Variants in NT5C3A observed in about 807,000 individuals in gnomAD.
NT5C3A encodes cytosolic 5'-nucleotidase 3A.
In NT5C3A, 23 loss-of-function variants were observed where a neutral mutation model predicts 40.0. The ratio of observed to expected loss-of-function variants is 0.58; its 90% CI spans 0.41 to 0.81. The LOEUF is 0.81. Among genes scored for constraint, NT5C3A ranks in the 40% least tolerant of loss-of-function variants. The pLI is 0.00. For synonymous variants in NT5C3A, 130 were observed against 141.4 expected (o/e 0.92, Z 0.57); for missense variants, 328 against 403.0 (o/e 0.81, Z 1.59).
intron 2 of NT5C3A, among the ~76,000 whole-genome samples, chr7:33,025,455 A>C (rs1384613650): frequency 1.3e-5 from 2 of 152,160 alleles, no homozygotes; most frequent in African/African-American, 4.8e-5. Flanking sequence ...ATGTTTTAAA[A>C]AAGGAATAAT....
At chr7:33,056,376 C>G (rs1450153135) in intron 1 of NT5C3A, among the ~76,000 whole-genome samples, 1 of 143,720 alleles carries the variant, frequency 7.0e-6, no homozygotes, top group East Asian at 2.1e-4. Context: ...GTGGTTCACA[C>G]CTATAATCCC....
intron 1 of NT5C3A, among the ~76,000 whole-genome samples, chr7:33,028,280 G>A (rs1264487986): frequency 1.3e-5 from 2 of 152,174 alleles, no homozygotes; most frequent in Admixed American, 6.5e-5. Flanking sequence ...AAAAATGGGT[G>A]TAGGCTGCTA....
chr7:33,057,327 G>C (rs1206097373), intron 1 of NT5C3A, among the ~76,000 whole-genome samples: 4 of 152,076 alleles, frequency 2.6e-5, no homozygotes, highest in African/African-American at 9.7e-5. Context: ...TCTGAGAACA[G>C]CCTGGGCAAT....
intron 1 of NT5C3A, 129 bp from the exon 2 acceptor site, chr7:33,027,044 A>G: frequency 1.6e-6 from 1 of 634,342 alleles, no homozygotes; most frequent in Non-Finnish European, 2.7e-6. Context: ...AAAGCAAGCC[A>G]CCACATCAAA....
At chr7:33,051,246 C>T (rs1326996733) in intron 1 of NT5C3A, among the ~76,000 whole-genome samples, 1 of 152,014 alleles carries the variant, frequency 6.6e-6, no homozygotes, top group African/African-American at 2.4e-5. Flanking sequence ...TCACTGCAAC[C>T]TCTGCTTCTG....
At chr7:33,060,543 T>G (rs1787738286) in intron 1 of NT5C3A, among the ~76,000 whole-genome samples, 1 of 152,152 alleles carries the variant, frequency 6.6e-6, no homozygotes, top group African/African-American at 2.4e-5. Context: ...CACTAGCAAC[T>G]TCCTCATGTC....
Position 33,062,682 on chromosome 7 carries a change from C to A in NT5C3A, c.24G>T (p.Arg8Ser). The A allele has an allele frequency of 6.4e-7, 1 of 1,574,784 alleles. No homozygotes were observed. The highest frequency in any genetic ancestry group is 8.6e-7 in the Non-Finnish European group (1 of 1,161,214). MDRAAVA[R>S]VGAVASASVC... ...CGCTGGCGCTCGCTACCGCGCCCACCCTCGCCACGGCCGCGCGGTCCATGG... is the reference window on the plus strand; with the variant it reads ...CGCTGGCGCTCGCTACCGCGCCCACACTCGCCACGGCCGCGCGGTCCATGG... Residue 8 changes from arginine (R) to serine (S), a missense_variant, in exon 1 of 9, where the codon AGG (arginine) becomes AGT (serine). Transcript: ENST00000610140.
At chr7:33,056,490 A>ATTT (rs1354307921) in intron 1 of NT5C3A, among the ~76,000 whole-genome samples, 1 of 114,344 alleles carries the variant, frequency 8.7e-6, no homozygotes, top group Admixed American at 8.1e-5. Context: ...AAAAAAAAAA[A>ATTT]AAAAAAAAAA....
intron 2 of NT5C3A, 67 bp downstream of exon 2, chr7:33,026,750 T>C: frequency 9.2e-7 from 1 of 1,089,962 alleles, no homozygotes. Flanking sequence ...TGCTTCAGTC[T>C]CCCAAAGTGC....
intron 7 of NT5C3A, 47 bp from the exon 8 acceptor site, chr7:33,015,917 G>T (rs1785299053): frequency 7.6e-7 from 1 of 1,313,626 alleles, no homozygotes; most frequent in Non-Finnish European, 1.1e-6. Context: ...AATTCTATTT[G>T]TTGGATTTTC....
intron 1 of NT5C3A, among the ~76,000 whole-genome samples, chr7:33,032,327 C>T (rs911773384): frequency 1.4e-5 from 2 of 139,042 alleles, no homozygotes; most frequent in Non-Finnish European, 3.0e-5. Context: ...GAGGCTGAGG[C>T]AAGAGAATTG....
intron 1 of NT5C3A, among the ~76,000 whole-genome samples, chr7:33,060,091 C>T (rs1272246417): frequency 6.6e-6 from 1 of 152,100 alleles, no homozygotes; most frequent in East Asian, 1.9e-4. Context: ...TGGGACTACA[C>T]TACAAGTGTG....
At chr7:33,038,315 C>T (rs1452723676) in intron 1 of NT5C3A, among the ~76,000 whole-genome samples, 1 of 152,094 alleles carries the variant, frequency 6.6e-6, no homozygotes, top group African/African-American at 2.4e-5. Context: ...TTTTGTTACA[C>T]ATTCAGGTAG....
At chr7:33,034,103 G>A (rs979349782) in intron 1 of NT5C3A, among the ~76,000 whole-genome samples, 8 of 151,836 alleles carry the variant, frequency 5.3e-5, no homozygotes, top group African/African-American at 1.9e-4. Context: ...ATGTTAGCCA[G>A]GATGGTCTCG....
intron 5 of NT5C3A, among the ~76,000 whole-genome samples, chr7:33,020,331 TA>T (rs1375769774): frequency 1.3e-5 from 2 of 152,138 alleles, no homozygotes; most frequent in East Asian, 3.9e-4. Context: ...ATCTGATACC[TA>T]AAAATACCCC....
At chr7:33,024,461 C>T (rs543501557) in intron 2 of NT5C3A, among the ~76,000 whole-genome samples, 67 of 151,204 alleles carry the variant, frequency 4.4e-4, no homozygotes, top group Non-Finnish European at 7.1e-4. Flanking sequence ...CACAGAAAGA[C>T]AAATATTATA....
Position 33,017,441 on chromosome 7 carries a change from T to G in NT5C3A, c.691A>C (p.Thr231Pro). ...VVSNFMDFDETGVLKGFKGEL... is the reference protein window; with the variant it reads ...VVSNFMDFDEPGVLKGFKGEL... ...GAAGAACGATTTGATATTCTTACAG[T>G]TTCATCAAAATCCATAAAATTGGAC... Residue 231 changes from threonine (T) to proline (P), a missense_variant and splice_region_variant, in exon 7 of 9, where the codon ACT becomes CCT. Physicochemically the swap from Thr to Pro is conservative, Grantham distance 38. This residue lies in a region of NT5C3A where 280 missense variants were observed against 317.2 expected (regional missense o/e 0.88). Transcript: ENST00000610140. The G allele has an allele frequency of 6.2e-7, 1 of 1,600,438 alleles. No homozygotes were observed. The highest frequency in any genetic ancestry group is 8.6e-7 in the Non-Finnish European group (1 of 1,168,126).
At chr7:33,041,985 C>T (rs558647818) in intron 1 of NT5C3A, among the ~76,000 whole-genome samples, 4 of 152,144 alleles carry the variant, frequency 2.6e-5, no homozygotes, top group South Asian at 4.2e-4. Context: ...TGTGAAGTAT[C>T]GTTCTCTATT....
chr7:33,042,867 G>A (rs540827269), intron 1 of NT5C3A, among the ~76,000 whole-genome samples: 2 of 152,184 alleles, frequency 1.3e-5, no homozygotes, highest in South Asian at 4.1e-4. Flanking sequence ...CAACCTAAAT[G>A]GCCAATATTC....
Sources: gnomAD v4.1 joint callset for allele counts (sites outside exome capture counted in the v4.1 genomes callset) on GRCh38, gnomAD v4.1.1 for gene constraint, gnomAD v4.1.1 regional missense constraint, MANE v1.5 for transcripts, NCBI Gene and HGNC (gene_info 2026-07-23, HGNC 2026-07-21) for gene names.